Variants in FLNB observed in about 807,000 individuals in gnomAD.
FLNB encodes filamin B.
In FLNB, 111 loss-of-function variants were observed where a neutral mutation model predicts 250.6. That is an observed-to-expected ratio of 0.44 (90% CI 0.38 to 0.52). The LOEUF (loss-of-function observed/expected upper bound fraction) is 0.52, where lower values mean the gene tolerates loss of function less well. Ranked by LOEUF, FLNB falls within the 20% of genes least tolerant of loss-of-function variation. FLNB has a pLI of 0.00. For synonymous variants in FLNB, 1,302 were observed against 1,372.1 expected (o/e 0.95, Z 1.13); for missense variants, 2,869 against 3,447.8 (o/e 0.83, Z 4.20).
At chr3:58,022,931 C>T (rs1437300786) in intron 1 of FLNB, among the ~76,000 whole-genome samples, 3 of 151,774 alleles carry the variant, frequency 2.0e-5, no homozygotes, top group African/African-American at 7.3e-5. Flanking sequence ...GATTCTCTTG[C>T]CTCAGCCTCC....
intron 8 of FLNB, among the ~76,000 whole-genome samples, chr3:58,100,385 T>TATATATATATATATATATATATATATATA (rs71091344): frequency 9.4e-5 from 12 of 128,084 alleles, no homozygotes; most frequent in Admixed American, 1.5e-4. Context: ...TATATATATA[T>TATATATATATATATATATATATATATATA]TTGCAGGGGC....
In FLNB at chr3:58,149,969, G is replaced by A. The variant is rs201831615; in HGVS notation, c.6211G>A (p.Val2071Ile). The stretch of plus-strand genomic sequence containing the variant: ...CCCTACCGTGCCTGGGGTTTATATC[G>A]TCTCCACCAAATTCGCTGACGAGCA... ...YFPTVPGVYI[V>I]STKFADEHVP... Residue 2071 changes from valine (V) to isoleucine (I), a missense_variant, in exon 37 of 46, where the codon GTC becomes ATC. By Grantham distance (29) the Val-to-Ile change is conservative. This residue lies in a region of FLNB where 1,084 missense variants were observed against 1,315.5 expected (regional missense o/e 0.82). Transcript: ENST00000295956. The A allele has an allele frequency of 1.1e-5, 18 of 1,614,228 alleles. No homozygotes were observed. Among genetic ancestry groups the A allele is most frequent in the African/African-American group, 5.3e-5 (4 of 75,054 alleles).
intron 28 of FLNB, 145 bp downstream of exon 28, chr3:58,136,313 CTT>C: frequency 1.3e-6 from 1 of 769,560 alleles, no homozygotes; most frequent in South Asian, 1.5e-5. Flanking sequence ...GATTGAAGCT[CTT>C]TGTTTTTATT....
chr3:58,162,998 T>C, intron 42 of FLNB, 156 bp from the exon 43 acceptor site: 1 of 738,174 alleles, frequency 1.4e-6, no homozygotes, highest in East Asian at 2.7e-5. Flanking sequence ...AGGGGGTCTG[T>C]CTGGTTCTGA....
intron 39 of FLNB, 86 bp from the exon 40 acceptor site, chr3:58,154,705 C>G: frequency 1.4e-6 from 2 of 1,438,892 alleles, no homozygotes; most frequent in South Asian, 2.3e-5. Flanking sequence ...CAGACGAAAC[C>G]TAGCACTGCA....
chr3:58,023,460 CAAG>C (rs1377254928), intron 1 of FLNB, among the ~76,000 whole-genome samples: 1 of 152,024 alleles, frequency 6.6e-6, no homozygotes, highest in African/African-American at 2.4e-5. Flanking sequence ...CAAAAAATTG[CAAG>C]AACACAGAAA....
chr3:58,054,869 A>G (rs1203813745), intron 1 of FLNB, among the ~76,000 whole-genome samples: 1 of 152,202 alleles, frequency 6.6e-6, no homozygotes, highest in Non-Finnish European at 1.5e-5. Flanking sequence ...TTATTGGAAC[A>G]TAGGCCACAC....
rs1273706014 is a variant in FLNB at position 58,100,371 on chromosome 3, A to ATATATATATATAT, written c.1345+1463_1345+1464insTATATATATATAT. Among the ~76,000 whole-genome samples, 36 of 25,242 alleles carry ATATATATATATAT rather than the reference A, an allele frequency of 1.4e-3. 2 individuals carry two copies. Among genetic ancestry groups the ATATATATATATAT allele is most frequent in the African/African-American group, 0.011 (35 of 3,312 alleles). The allele number at this position is 25,242 out of a possible 152,430, so 16.6% of individuals were successfully genotyped here. On this transcript the variant is annotated intron_variant, in intron 8 of 45. Coordinates refer to ENST00000295956, the MANE Select transcript of FLNB (RefSeq NM_001457.4). The stretch of plus-strand genomic sequence containing the variant: ...TAAATGATTTTACATATGTAAAAAA[A>ATATATATATATAT]AAATATATATATATTTGCAGGGGCG...
At chr3:58,100,189 G>T (rs932560789) in intron 8 of FLNB, among the ~76,000 whole-genome samples, 1 of 151,774 alleles carries the variant, frequency 6.6e-6, no homozygotes, top group Non-Finnish European at 1.5e-5. Flanking sequence ...TTTTACATAA[G>T]AGAGCATTTT....
At chr3:58,019,209 C>T (rs752274917) in intron 1 of FLNB, among the ~76,000 whole-genome samples, 2 of 152,052 alleles carry the variant, frequency 1.3e-5, no homozygotes, top group African/African-American at 2.4e-5. Context: ...TACCATAATC[C>T]ACACCCTATA....
intron 42 of FLNB, among the ~76,000 whole-genome samples, chr3:58,161,972 A>G (rs986554053): frequency 9.9e-5 from 15 of 152,174 alleles, no homozygotes; most frequent in African/African-American, 3.6e-4. Context: ...CCTGTGGCTA[A>G]AGAAATGCCA....
intron 2 of FLNB, 143 bp downstream of exon 2, chr3:58,077,437 G>C: frequency 1.8e-6 from 2 of 1,106,448 alleles, no homozygotes; most frequent in Non-Finnish European, 1.3e-6. Flanking sequence ...CCATTATAAG[G>C]AAACTAAAAC....
At chr3:58,121,689 T>C (rs1164309496) in intron 20 of FLNB, among the ~76,000 whole-genome samples, 186 bp downstream of exon 20, 1 of 152,202 alleles carries the variant, frequency 6.6e-6, no homozygotes, top group Admixed American at 6.5e-5. Flanking sequence ...GCTCTCTGAC[T>C]ACAAGACTTT....
intron 13 of FLNB, 95 bp from the exon 14 acceptor site, chr3:58,109,084 A>G: frequency 6.8e-7 from 1 of 1,470,294 alleles, no homozygotes; most frequent in Non-Finnish European, 9.5e-7. Flanking sequence ...TGTATAAGCA[A>G]GTGGTGACTT....
At chr3:58,136,888 T>C (rs1482294842) in intron 28 of FLNB, among the ~76,000 whole-genome samples, 1 of 151,208 alleles carries the variant, frequency 6.6e-6, no homozygotes, top group Admixed American at 6.6e-5. Context: ...CCCGGCTAAG[T>C]TTTGTATTTT....
At chr3:58,112,053 A>G in intron 17 of FLNB, 96 bp from the exon 18 acceptor site, 6 of 1,306,448 alleles carry the variant, frequency 4.6e-6, no homozygotes, top group Non-Finnish European at 6.6e-6. Context: ...GCTGGCTGTC[A>G]TAATAGACCT....
chr3:58,038,062 T>G (rs1219948595), intron 1 of FLNB, among the ~76,000 whole-genome samples: 1 of 152,198 alleles, frequency 6.6e-6, no homozygotes, highest in Non-Finnish European at 1.5e-5. Flanking sequence ...AGAGTTTCGC[T>G]CTTGTTGCCC....
chr3:58,046,677 G>C (rs189409214), intron 1 of FLNB, among the ~76,000 whole-genome samples: 2 of 151,944 alleles, frequency 1.3e-5, no homozygotes, highest in Non-Finnish European at 2.9e-5. Flanking sequence ...CTCAAACTCC[G>C]CCTGCCTTGG....
Position 58,150,930 on chromosome 3 carries a change from G to T in FLNB, c.6367+703G>T, listed in dbSNP as rs896825868. 3 of 153,656 alleles carry T rather than the reference G, an allele frequency of 2.0e-5. No individual in the cohort carries two copies. The South Asian group carries it at 6.1e-4, about 31-fold the overall frequency. The allele number at this position is 153,656 out of a possible 1,614,324, so 9.5% of individuals were successfully genotyped here. On this transcript the variant is annotated intron_variant, in intron 38 of 45. Coordinates refer to ENST00000295956, the MANE Select transcript of FLNB (RefSeq NM_001457.4). ...TGTTGCGAGCTCTGGAGAGGGGGTT[G>T]TCTTTCTACACTGCATCTCCCATCC...
Sources: gnomAD v4.1 joint callset for allele counts (sites outside exome capture counted in the v4.1 genomes callset) on GRCh38, gnomAD v4.1.1 for gene constraint, gnomAD v4.1.1 regional missense constraint, MANE v1.5 for transcripts, NCBI Gene and HGNC (gene_info 2026-07-23, HGNC 2026-07-21) for gene names.